The following KCNMA1 variants were observed in gnomAD, a reference collection of about 807,000 sequenced individuals.
KCNMA1 encodes the protein Calcium-activated potassium channel subunit alpha-1.
In KCNMA1, 29 loss-of-function variants were observed where a neutral mutation model predicts 140.0. That is an observed-to-expected ratio of 0.21 (90% CI 0.15 to 0.28). KCNMA1 has a LOEUF of 0.28. Ranked by LOEUF, KCNMA1 falls within the 10% of genes least tolerant of loss-of-function variation. The probability of loss-of-function intolerance (pLI) is 1.00; values close to 1 mark genes in which losing one functional copy is unlikely to be tolerated. For synonymous variants in KCNMA1, 612 were observed against 611.9 expected (o/e 1.00, Z 0.00); for missense variants, 880 against 1,602.2 (o/e 0.55, Z 7.70).
chr10:77,039,456 G>A, intron 15 of KCNMA1, 72 bp downstream of exon 15: 1 of 881,102 alleles, frequency 1.1e-6, no homozygotes, highest in African/African-American at 1.6e-5. Context: ...CAGCAGAGGT[G>A]GGAGGCTTCC....
intron 15 of KCNMA1, 88 bp downstream of exon 15, chr10:77,039,440 T>G: frequency 1.2e-6 from 1 of 804,570 alleles, no homozygotes; most frequent in Non-Finnish European, 2.2e-6. Context: ...GTGCTCCAAC[T>G]GTACCCAGCA....
intron 13 of KCNMA1, among the ~76,000 whole-genome samples, chr10:77,078,283 T>G (rs890396081): frequency 1.3e-5 from 2 of 152,176 alleles, no homozygotes; most frequent in African/African-American, 4.8e-5. Context: ...TAGGTTTCAT[T>G]AAGGACATAA....
At chr10:77,233,439 T>G (rs1356104921) in intron 3 of KCNMA1, among the ~76,000 whole-genome samples, 3 of 152,226 alleles carry the variant, frequency 2.0e-5, no homozygotes, top group African/African-American at 7.2e-5. Flanking sequence ...TAATTCAAAT[T>G]TGGCATTTCC....
intron 1 of KCNMA1, among the ~76,000 whole-genome samples, chr10:77,511,857 G>A (rs2048535871): frequency 6.6e-6 from 1 of 152,142 alleles, no homozygotes; most frequent in South Asian, 2.1e-4. Flanking sequence ...AGAAAGTGGG[G>A]AAATATGTTG....
chr10:77,320,687 G>A (rs1293374501), intron 2 of KCNMA1, among the ~76,000 whole-genome samples: 1 of 152,150 alleles, frequency 6.6e-6, no homozygotes, highest in East Asian at 1.9e-4. Context: ...CTTGAGAACA[G>A]CAGACACATT....
At chr10:77,025,995 A>AT (rs1237465858) in intron 16 of KCNMA1, among the ~76,000 whole-genome samples, 7 of 136,174 alleles carry the variant, frequency 5.1e-5, no homozygotes, top group South Asian at 4.9e-4. Context: ...TGAAGAAAAA[A>AT]AAAATATATA....
chr10:77,611,484 T>C (rs2619629), intron 1 of KCNMA1, among the ~76,000 whole-genome samples: 33,427 of 152,092 alleles, frequency 0.22, 3,967 homozygotes, highest in African/African-American at 0.27. Flanking sequence ...TTTCCAACTA[T>C]ATGAGTCAAT....
chr10:77,332,629 T>A (rs1040135626), intron 2 of KCNMA1, among the ~76,000 whole-genome samples: 5 of 152,128 alleles, frequency 3.3e-5, no homozygotes, highest in African/African-American at 1.2e-4. Context: ...CATGGAACAC[T>A]GGGGATTTAT....
intron 2 of KCNMA1, among the ~76,000 whole-genome samples, chr10:77,376,065 C>A (rs2095081006): frequency 6.6e-6 from 1 of 152,228 alleles, no homozygotes; most frequent in Admixed American, 6.5e-5. Flanking sequence ...GATCCCCAAT[C>A]TTCTAAATCC....
At chr10:77,019,258 T>G (rs549519237) in intron 16 of KCNMA1, 159 bp from the exon 17 acceptor site, 13 of 632,378 alleles carry the variant, frequency 2.1e-5, no homozygotes, top group East Asian at 1.7e-4. Flanking sequence ...CACTGCCCCA[T>G]ACATTTAGTT....
chr10:76,886,786 G>A lies in KCNMA1; in HGVS notation c.*480C>T. The A allele has an allele frequency of 9.7e-7, 1 of 1,029,074 alleles. No homozygotes were observed. The highest frequency in any genetic ancestry group is 1.2e-6 in the Non-Finnish European group (1 of 855,646). The allele number at this position is 1,029,074 out of a possible 1,614,324, so 63.7% of individuals were successfully genotyped here. A position where few individuals can be genotyped will look rare whatever the true frequency, so the allele number is the denominator to read the frequency against. ...TGTTTTCATTGCTGTTTGGTTGCTT[G>A]TTTCAAATAAACATGTGCTAACTTA... On this transcript the variant is annotated 3_prime_UTR_variant, in exon 28 of 28. Coordinates refer to ENST00000286628, the MANE Select transcript of KCNMA1 (RefSeq NM_001161352.2).
chr10:77,174,238 G>A (rs895385157), intron 5 of KCNMA1, among the ~76,000 whole-genome samples: 3 of 152,060 alleles, frequency 2.0e-5, no homozygotes, highest in Non-Finnish European at 4.4e-5. Flanking sequence ...TTTTAACAGT[G>A]TATTCATGAT....
chr10:77,115,423 C>T (rs1228563387), intron 6 of KCNMA1, among the ~76,000 whole-genome samples: 1 of 152,118 alleles, frequency 6.6e-6, no homozygotes, highest in Non-Finnish European at 1.5e-5. Context: ...AGGTGTGCTC[C>T]CACATTGGAG....
chr10:77,163,323 G>T (rs2098592483), intron 5 of KCNMA1, among the ~76,000 whole-genome samples: 1 of 152,286 alleles, frequency 6.6e-6, no homozygotes, highest in Non-Finnish European at 1.5e-5. Context: ...ATTGCCTATG[G>T]CTGCTTTCAT....
intron 1 of KCNMA1, among the ~76,000 whole-genome samples, chr10:77,577,190 G>A (rs2074438508): frequency 6.6e-6 from 1 of 151,898 alleles, no homozygotes; most frequent in Non-Finnish European, 1.5e-5. Flanking sequence ...GGGATTACAG[G>A]CGCCCACCAC....
At chr10:76,914,741 A>C in intron 24 of KCNMA1, 195 bp downstream of exon 24, 1 of 534,424 alleles carries the variant, frequency 1.9e-6, no homozygotes, top group Non-Finnish European at 3.4e-6. Context: ...TATTCATCTC[A>C]GAAGAAAGAT....
chr10:77,201,653 G>A (rs1179977263), intron 3 of KCNMA1, among the ~76,000 whole-genome samples: 1 of 152,156 alleles, frequency 6.6e-6, no homozygotes, highest in Admixed American at 6.5e-5. Flanking sequence ...TAAAGTTCAC[G>A]CATGTGACCT....
intron 3 of KCNMA1, among the ~76,000 whole-genome samples, chr10:77,238,327 CG>C (rs2056266592): frequency 6.6e-6 from 1 of 152,114 alleles, no homozygotes. Flanking sequence ...CAGTGGGTCT[CG>C]GGTGGAATGA....
At chr10:77,333,337 G>A (rs1400092179) in intron 2 of KCNMA1, among the ~76,000 whole-genome samples, 3 of 119,988 alleles carry the variant, frequency 2.5e-5, no homozygotes, top group African/African-American at 1.0e-4. Flanking sequence ...AACATAGAGA[G>A]ACCCATGTCT....
Sources: allele counts gnomAD v4.1 joint callset (sites outside exome capture counted in the v4.1 genomes callset), GRCh38; gene constraint gnomAD v4.1.1; transcripts MANE v1.5; gene names NCBI Gene and HGNC (gene_info 2026-07-23, HGNC 2026-07-21).